MACROD2: variants seen among roughly 807,000 people sequenced by gnomAD.
The protein encoded by MACROD2 is ADP-ribose glycohydrolase MACROD2.
A neutral mutation model predicts 70.4 loss-of-function variants in MACROD2; 36 were observed. That is an observed-to-expected ratio of 0.51 (90% confidence interval 0.39 to 0.68). MACROD2 has a LOEUF of 0.68. MACROD2 is among the 30% of genes least tolerant of loss of function. The pLI, the probability that MACROD2 is intolerant of heterozygous loss-of-function variation, is 0.00. For synonymous variants in MACROD2, 172 were observed against 178.8 expected (o/e 0.96, Z 0.30); for missense variants, 496 against 538.4 (o/e 0.92, Z 0.78).
At chr20:15,245,015 A>T (rs2077093423) in intron 6 of MACROD2, among the ~76,000 whole-genome samples, 1 of 152,240 alleles carries the variant, frequency 6.6e-6, no homozygotes, top group African/African-American at 2.4e-5. Context: ...TATCACCAAA[A>T]TATAACATCA....
intron 15 of MACROD2, among the ~76,000 whole-genome samples, chr20:16,014,144 C>T (rs950673443): frequency 1.3e-5 from 2 of 152,218 alleles, no homozygotes; most frequent in African/African-American, 4.8e-5. Flanking sequence ...TTTCCTATCA[C>T]CTCTATTCAG....
chr20:14,622,382 A>C (rs1160815056), intron 4 of MACROD2, among the ~76,000 whole-genome samples: 1 of 152,192 alleles, frequency 6.6e-6, no homozygotes, highest in African/African-American at 2.4e-5. Flanking sequence ...TGCTGTGTGC[A>C]GTCATATATG....
intron 5 of MACROD2, among the ~76,000 whole-genome samples, chr20:14,967,484 T>G (rs545812865): frequency 3.2e-4 from 47 of 147,886 alleles, no homozygotes; most frequent in African/African-American, 1.1e-3. Flanking sequence ...TTTGTTTGTT[T>G]GTTTTTGTTT....
intron 6 of MACROD2, among the ~76,000 whole-genome samples, chr20:15,331,533 T>TA (rs2077992444): frequency 1.3e-5 from 2 of 151,556 alleles, no homozygotes; most frequent in Non-Finnish European, 2.9e-5. Context: ...TCTTAAAAAT[T>TA]AAAAAAGAAA....
chr20:15,486,729 A>C (rs1212932299), intron 7 of MACROD2, among the ~76,000 whole-genome samples: 7 of 152,224 alleles, frequency 4.6e-5, no homozygotes, highest in Admixed American at 4.6e-4. Flanking sequence ...CAGATTCCAA[A>C]GGTGGCAAAG....
chr20:15,740,834 C>T (rs964562127), intron 8 of MACROD2, among the ~76,000 whole-genome samples: 4 of 151,996 alleles, frequency 2.6e-5, no homozygotes, highest in East Asian at 3.9e-4. Context: ...CAGGGAATCC[C>T]GTTAGCTCAA....
chr20:14,574,024 C>T (rs1356316817), intron 4 of MACROD2, among the ~76,000 whole-genome samples: 3 of 152,144 alleles, frequency 2.0e-5, no homozygotes, highest in South Asian at 2.1e-4. Context: ...GCCTTAACCA[C>T]GTGGAGCTGA....
intron 8 of MACROD2, among the ~76,000 whole-genome samples, chr20:15,783,083 A>G (rs1352517661): frequency 6.6e-6 from 1 of 152,100 alleles, no homozygotes; most frequent in Non-Finnish European, 1.5e-5. Context: ...ATTTTCAAAC[A>G]TACTGGTTAT....
At chr20:14,271,271 G>A (rs1263101872) in intron 3 of MACROD2, among the ~76,000 whole-genome samples, 4 of 152,092 alleles carry the variant, frequency 2.6e-5, no homozygotes, top group African/African-American at 4.8e-5. Flanking sequence ...CACCTCACAC[G>A]GCCAGGTACT....
chr20:14,318,044 C>T (rs1253603463), intron 3 of MACROD2, among the ~76,000 whole-genome samples: 1 of 152,070 alleles, frequency 6.6e-6, no homozygotes, highest in East Asian at 1.9e-4. Context: ...CTAGCCTTTT[C>T]TGGGTATATT....
intron 5 of MACROD2, among the ~76,000 whole-genome samples, chr20:15,057,859 T>A (rs1325137239): frequency 6.6e-6 from 1 of 152,192 alleles, no homozygotes; most frequent in Admixed American, 6.5e-5. Context: ...TTTTTTTTGA[T>A]CTCTCACTGC....
intron 5 of MACROD2, among the ~76,000 whole-genome samples, chr20:14,977,945 CTTTGT>C (rs1456504568): frequency 6.6e-6 from 1 of 151,960 alleles, no homozygotes; most frequent in Non-Finnish European, 1.5e-5. Flanking sequence ...TTCAAAAATC[CTTTGT>C]TTTATTTGGA....
chr20:14,456,743 G>C (rs1046034240), intron 3 of MACROD2, among the ~76,000 whole-genome samples: 1 of 119,454 alleles, frequency 8.4e-6, no homozygotes, highest in Non-Finnish European at 1.6e-5. Flanking sequence ...TTGAGACTGA[G>C]TCTCTCTCTG....
chr20:14,792,949 T>A (rs150712234), intron 5 of MACROD2, among the ~76,000 whole-genome samples: 329 of 152,128 alleles, frequency 2.2e-3, no homozygotes, highest in African/African-American at 7.3e-3. Flanking sequence ...TATTTTGGAT[T>A]TTTTTTAAAT....
intron 8 of MACROD2, among the ~76,000 whole-genome samples, chr20:15,642,588 C>G (rs36055767): frequency 0.47 from 65,556 of 139,934 alleles, 16,269 homozygotes; most frequent in East Asian, 0.6. Flanking sequence ...GAACTGTGTA[C>G]CTGTCATGAA....
intron 3 of MACROD2, among the ~76,000 whole-genome samples, chr20:14,123,828 A>G (rs2054613520): frequency 6.6e-6 from 1 of 152,172 alleles, no homozygotes; most frequent in African/African-American, 2.4e-5. Context: ...GGAAATAAAA[A>G]TATGTCTGTG....
chr20:15,072,207 A>T (rs2075624208), intron 5 of MACROD2, among the ~76,000 whole-genome samples: 1 of 152,176 alleles, frequency 6.6e-6, no homozygotes, highest in South Asian at 2.1e-4. Context: ...ATCTACAATG[A>T]TTCCTTTGTT....
intron 6 of MACROD2, among the ~76,000 whole-genome samples, chr20:15,398,977 C>T (rs1022692694): frequency 7.9e-5 from 12 of 152,108 alleles, no homozygotes; most frequent in African/African-American, 2.7e-4. Flanking sequence ...GCCACTGTGT[C>T]CAGCTTCATA....
intron 15 of MACROD2, among the ~76,000 whole-genome samples, chr20:15,990,977 G>A (rs1175847816): frequency 6.6e-6 from 1 of 152,172 alleles, no homozygotes; most frequent in Non-Finnish European, 1.5e-5. Flanking sequence ...CAGCCATGCT[G>A]AAAGCTGAAA....
Sources: allele counts gnomAD v4.1 joint callset (sites outside exome capture counted in the v4.1 genomes callset), GRCh38; gene constraint gnomAD v4.1.1; transcripts MANE v1.5; gene names NCBI Gene and HGNC (gene_info 2026-07-23, HGNC 2026-07-21).